Variants in JAZF1 observed in about 807,000 individuals in gnomAD.
The protein encoded by JAZF1 is JAZF zinc finger 1.
In JAZF1, 8 loss-of-function variants were observed where a neutral mutation model predicts 26.4. The observed-to-expected ratio is 0.30, with a 90% CI of 0.18 to 0.55. The LOEUF (loss-of-function observed/expected upper bound fraction) is 0.55. JAZF1 is among the 20% of genes least tolerant of loss of function. JAZF1 has a pLI of 0.94. For missense variants in JAZF1, 199 were observed against 322.0 expected (o/e 0.62, Z 2.92); for synonymous variants, 126 against 122.3 (o/e 1.03, Z -0.20).
rs187926086 is a variant in JAZF1, at chr7:27,957,564, C to T, written c.188+34345G>A. Among the ~76,000 whole-genome samples, 83 of 152,268 alleles carry T rather than the reference C, an allele frequency of 5.5e-4. 1 individual carries two copies. The highest frequency in any genetic ancestry group is 1.9e-3 in the African/African-American group (79 of 41,540). On this transcript the variant is annotated intron_variant, in intron 2 of 4. Coordinates refer to ENST00000283928, the MANE Select transcript of JAZF1 (RefSeq NM_175061.4). ...ACATTCAAACGGAGCACTTTGGTTA[C>T]CCTGGACTACTGTATTTTCTACCCA...
intron 1 of JAZF1, among the ~76,000 whole-genome samples, chr7:28,113,650 G>A (rs1221562253): frequency 6.6e-6 from 1 of 152,180 alleles, no homozygotes; most frequent in African/African-American, 2.4e-5. Context: ...ATGTGTTTAA[G>A]CCTCATTTTA....
chr7:28,104,256 A>T (rs1784518527), intron 1 of JAZF1, among the ~76,000 whole-genome samples: 1 of 151,998 alleles, frequency 6.6e-6, no homozygotes, highest in South Asian at 2.1e-4. Context: ...ACTTTTCTCC[A>T]TGGCAGTTTC....
intron 2 of JAZF1, among the ~76,000 whole-genome samples, chr7:27,911,909 T>G (rs566596695): frequency 8.0e-4 from 122 of 152,266 alleles, no homozygotes; most frequent in African/African-American, 2.9e-3. Flanking sequence ...AGACAATATT[T>G]TTATGTTTTT....
chr7:27,955,523 A>AGTT (rs927977022), intron 2 of JAZF1, among the ~76,000 whole-genome samples: 25 of 152,222 alleles, frequency 1.6e-4, no homozygotes, highest in African/African-American at 5.8e-4. Context: ...CAAGAAGTTA[A>AGTT]GGGGCATTCT....
At chr7:27,982,397 T>G (rs1562548548) in intron 2 of JAZF1, among the ~76,000 whole-genome samples, 2 of 151,992 alleles carry the variant, frequency 1.3e-5, no homozygotes, top group Admixed American at 1.3e-4. Flanking sequence ...GCAGCGAGGC[T>G]GGGGGAGGGG....
chr7:28,160,917 T>C (rs1783274771), intron 1 of JAZF1, among the ~76,000 whole-genome samples: 1 of 152,192 alleles, frequency 6.6e-6, no homozygotes, highest in Non-Finnish European at 1.5e-5. Context: ...TCTTGAGCTA[T>C]TAGGTATAGA....
intron 1 of JAZF1, among the ~76,000 whole-genome samples, chr7:28,100,111 A>C (rs1784449511): frequency 6.6e-6 from 1 of 152,240 alleles, no homozygotes; most frequent in Non-Finnish European, 1.5e-5. Context: ...TGTGTTCCAC[A>C]CTCCCAAATT....
In JAZF1 at chr7:28,180,589, G is replaced by A. The variant is rs554225874; in HGVS notation, c.-12C>T. On this transcript the variant is annotated 5_prime_UTR_variant, in exon 1 of 5. Transcript: ENST00000283928. ...GCGATGCCTGTCATGGTGCTACATC[G>A]AGAGCCCCCCTGGTGTCGGCTCTGC... 56 of 1,598,118 alleles carry A rather than the reference G, an allele frequency of 3.5e-5. No individual in the cohort carries two copies. The South Asian group carries it at 5.8e-4, about 16-fold the overall frequency.
chr7:27,886,607 AT>A (rs1783869595), intron 3 of JAZF1, among the ~76,000 whole-genome samples: 1 of 152,198 alleles, frequency 6.6e-6, no homozygotes, highest in Admixed American at 6.5e-5. Context: ...GTATCTCTAT[AT>A]TGTCTTATTA....
chr7:27,875,449 C>T (rs1269323851), intron 3 of JAZF1, among the ~76,000 whole-genome samples: 1 of 152,166 alleles, frequency 6.6e-6, no homozygotes, highest in Non-Finnish European at 1.5e-5. Flanking sequence ...GTTTAAAACC[C>T]TCCCTTAACT....
At chr7:27,909,729 C>CA (rs1379584053) in intron 2 of JAZF1, among the ~76,000 whole-genome samples, 40 of 151,570 alleles carry the variant, frequency 2.6e-4, no homozygotes, top group African/African-American at 7.5e-4. Flanking sequence ...CAAAACAAAA[C>CA]AAAAAAACAA....
At chr7:27,893,992 C>T (rs969209279) in intron 3 of JAZF1, among the ~76,000 whole-genome samples, 6 of 152,238 alleles carry the variant, frequency 3.9e-5, no homozygotes, top group African/African-American at 1.4e-4. Flanking sequence ...CAGATCCAAG[C>T]TCCATTCTGT....
At chr7:27,837,096 C>T (rs57106494) in intron 4 of JAZF1, among the ~76,000 whole-genome samples, 1 of 152,178 alleles carries the variant, frequency 6.6e-6, no homozygotes, top group South Asian at 2.1e-4. Context: ...ATCAATGTAC[C>T]TCTCTGCAGC....
Position 28,001,006 on chromosome 7 carries a change from A to C in JAZF1, c.116-9025T>G, listed in dbSNP as rs148798240. ...TGCCATGTTTAGTTGCTTAGGGGAA[A>C]CTTTAAGTCAGTAGGTTCACAATTG... On this transcript the variant is annotated intron_variant, in intron 1 of 4. Transcript: ENST00000283928. 1.1e-3 allele frequency among the ~76,000 whole-genome samples: 164 copies of C among 152,254 alleles called. 1 individual carries two copies. The highest frequency in any genetic ancestry group is 3.8e-3 in the African/African-American group (159 of 41,550).
intron 1 of JAZF1, among the ~76,000 whole-genome samples, chr7:28,118,372 G>A (rs973331739): frequency 3.9e-5 from 6 of 152,032 alleles, no homozygotes; most frequent in South Asian, 2.1e-4. Context: ...AAAATTAGCC[G>A]GGCGTGGTGG....
At chr7:28,050,679 C>T (rs575366131) in intron 1 of JAZF1, among the ~76,000 whole-genome samples, 217 of 152,102 alleles carry the variant, frequency 1.4e-3, no homozygotes, top group African/African-American at 5.1e-3. Context: ...TTGTAAGTGT[C>T]ACTAAGTACT....
At chr7:28,130,930 G>A (rs1026967583) in intron 1 of JAZF1, among the ~76,000 whole-genome samples, 3 of 152,130 alleles carry the variant, frequency 2.0e-5, no homozygotes, top group African/African-American at 7.2e-5. Context: ...ACTTTACAAT[G>A]GAATCAGACC....
chr7:28,103,935 A>G (rs1784512866), intron 1 of JAZF1, among the ~76,000 whole-genome samples: 1 of 152,152 alleles, frequency 6.6e-6, no homozygotes, highest in African/African-American at 2.4e-5. Flanking sequence ...CATCTCCCAG[A>G]GAGTAAATGC....
intron 3 of JAZF1, chr7:27,843,656 G>A (rs931085563): frequency 4.6e-5 from 7 of 152,248 alleles, no homozygotes; most frequent in Non-Finnish European, 7.3e-5. Flanking sequence ...CTCAGAGAAG[G>A]AGCAAAGCAC....
Sources: allele counts gnomAD v4.1 joint callset (sites outside exome capture counted in the v4.1 genomes callset), GRCh38; gene constraint gnomAD v4.1.1; transcripts MANE v1.5; gene names NCBI Gene and HGNC (gene_info 2026-07-23, HGNC 2026-07-21).